PDE11A: variants seen among roughly 807,000 people sequenced by gnomAD.
The protein encoded by PDE11A is phosphodiesterase 11A, also known as dual 3',5'-cyclic-AMP and -GMP phosphodiesterase 11A.
In PDE11A, 100 loss-of-function variants were observed where a neutral mutation model predicts 100.5. The ratio of observed to expected loss-of-function variants is 1.00; its 90% confidence interval spans 0.85 to 1.18. The LOEUF (loss-of-function observed/expected upper bound fraction) is 1.18, where lower values mean the gene tolerates loss of function less well. Ranked by LOEUF, PDE11A falls within the 50% of genes most tolerant of loss-of-function variation. The probability of loss-of-function intolerance (pLI) is 0.00; values close to 1 mark genes in which losing one functional copy is unlikely to be tolerated. For missense variants in PDE11A, 1,141 were observed against 1,152.6 expected, an observed-to-expected ratio of 0.99 and a Z score of 0.15; for synonymous variants, 381 against 420.8, an observed-to-expected ratio of 0.91 and a Z score of 1.16.
At chr2:177,947,699 C>G (rs894873521) in intron 2 of PDE11A, among the ~76,000 whole-genome samples, 11 of 151,472 alleles carry the variant, frequency 7.3e-5, no homozygotes, top group African/African-American at 2.7e-4. Flanking sequence ...GCTGACCTTC[C>G]CTCCACTATT....
chr2:177,631,540 TATATATACAC>T (rs1385659293), intron 19 of PDE11A, among the ~76,000 whole-genome samples: 1,393 of 21,132 alleles, frequency 0.066, 253 homozygotes, highest in East Asian at 0.21. Flanking sequence ...TATATATATA[TATATATACAC>T]ATGTATATAT....
chr2:177,799,924 G>A (rs1369200139), intron 9 of PDE11A, among the ~76,000 whole-genome samples: 1 of 152,098 alleles, frequency 6.6e-6, no homozygotes, highest in Non-Finnish European at 1.5e-5. Flanking sequence ...GGTGGGGGAT[G>A]TTATAATATA....
In PDE11A at chr2:178,050,462, G is replaced by A. The variant is rs148772336; in HGVS notation, c.912+21064C>T. ...AGTGCCTCTTCTCCTCTAACGGAAC[G>A]CAGCTCCTCACCAGCAATGGAACAA... On this transcript the variant is annotated intron_variant, in intron 1 of 19. Transcript: ENST00000286063. Among the ~76,000 whole-genome samples the A allele has an allele frequency of 7.1e-3, 1,075 of 152,280 alleles. 9 individuals carry two copies. The highest frequency in any genetic ancestry group is 0.025 in the African/African-American group (1,019 of 41,560).
intron 9 of PDE11A, among the ~76,000 whole-genome samples, chr2:177,776,739 A>G (rs968393167): frequency 4.6e-5 from 7 of 152,198 alleles, no homozygotes; most frequent in Non-Finnish European, 8.8e-5. Flanking sequence ...AGACCAGGTG[A>G]GGACACAGAG....
At chr2:177,670,179 G>GTA (rs1369502508) in intron 17 of PDE11A, among the ~76,000 whole-genome samples, 1 of 152,156 alleles carries the variant, frequency 6.6e-6, no homozygotes, top group Non-Finnish European at 1.5e-5. Flanking sequence ...GTAGGTCACG[G>GTA]TATAGTTTGA....
At chr2:177,873,537 T>C (rs137881680) in intron 5 of PDE11A, among the ~76,000 whole-genome samples, 26 of 152,324 alleles carry the variant, frequency 1.7e-4, no homozygotes, top group African/African-American at 6.3e-4. Flanking sequence ...TTTTAAGGTA[T>C]TATTAACAGT....
At chr2:177,806,863 C>A (rs946285470) in intron 9 of PDE11A, among the ~76,000 whole-genome samples, 2 of 151,640 alleles carry the variant, frequency 1.3e-5, no homozygotes, top group Admixed American at 1.3e-4. Flanking sequence ...GAAATAAAAC[C>A]TTAAAAAGGA....
At chr2:178,054,497 T>C (rs2086872554) in intron 1 of PDE11A, among the ~76,000 whole-genome samples, 1 of 152,092 alleles carries the variant, frequency 6.6e-6, no homozygotes, top group South Asian at 2.1e-4. Context: ...AATTGACAGA[T>C]AGGATCTAAT....
In PDE11A at chr2:177,906,638, C is replaced by G. The variant is rs1384057847; in HGVS notation, c.1072-1451G>C. ...TTTGCAGATGTTTTGGGGATAAATT[C>G]CTTCCCTGGATTTTCACATGTTGCC... On this transcript the variant is annotated intron_variant, in intron 2 of 19. Transcript: ENST00000286063. Among the ~76,000 whole-genome samples the G allele has an allele frequency of 2.0e-5, 3 of 152,048 alleles. No homozygotes were observed. In the East Asian group the frequency reaches 5.8e-4, roughly 29 times the overall value.
intron 9 of PDE11A, among the ~76,000 whole-genome samples, chr2:177,774,353 T>A (rs1490986447): frequency 4.6e-5 from 7 of 152,114 alleles, no homozygotes; most frequent in Admixed American, 4.6e-4. Context: ...TGCCCCCACC[T>A]CTCCACTGGA....
intron 2 of PDE11A, among the ~76,000 whole-genome samples, chr2:177,954,145 T>G (rs544765307): frequency 1.3e-5 from 2 of 152,054 alleles, no homozygotes; most frequent in Non-Finnish European, 2.9e-5. Flanking sequence ...TGGTCTATAA[T>G]GCTTCCCTGT....
chr2:177,657,740 A>G (rs571715451), intron 19 of PDE11A, among the ~76,000 whole-genome samples: 1 of 152,292 alleles, frequency 6.6e-6, no homozygotes, highest in Non-Finnish European at 1.5e-5. Flanking sequence ...CTTGGGGGTC[A>G]AACCTTTAAG....
intron 4 of PDE11A, among the ~76,000 whole-genome samples, chr2:177,889,483 T>C (rs571233343): frequency 6.6e-6 from 1 of 150,992 alleles, no homozygotes; most frequent in East Asian, 1.9e-4. Context: ...TAATTTTGAA[T>C]GTTTTTTTTT....
At chr2:178,013,629 T>A (rs895830935) in intron 2 of PDE11A, among the ~76,000 whole-genome samples, 9 of 152,196 alleles carry the variant, frequency 5.9e-5, no homozygotes, top group African/African-American at 1.7e-4. Flanking sequence ...TTAGCGCATA[T>A]TTTATAAATA....
intron 2 of PDE11A, among the ~76,000 whole-genome samples, chr2:177,981,860 G>T (rs1011421320): frequency 2.7e-5 from 4 of 150,938 alleles, no homozygotes; most frequent in Non-Finnish European, 3.0e-5. Flanking sequence ...GGAGTACTCA[G>T]TCTTTTCAAT....
At chr2:178,081,198 G>C (rs1250893228) in intron 2 of PDE11A, among the ~76,000 whole-genome samples, 1 of 152,110 alleles carries the variant, frequency 6.6e-6, no homozygotes, top group Admixed American at 6.5e-5. Flanking sequence ...AATAAAGACA[G>C]AACCTGATGC....
At chr2:177,958,829 G>C (rs2085596752) in intron 2 of PDE11A, among the ~76,000 whole-genome samples, 1 of 151,998 alleles carries the variant, frequency 6.6e-6, no homozygotes, top group African/African-American at 2.4e-5. Flanking sequence ...ATAACTAAAG[G>C]TTTGTCTCCT....
At chr2:177,670,593 A>C (rs2105489062) in intron 17 of PDE11A, among the ~76,000 whole-genome samples, 1 of 152,320 alleles carries the variant, frequency 6.6e-6, no homozygotes, top group East Asian at 1.9e-4. Context: ...GATACCAAAC[A>C]AATTTTTCTC....
rs10556235 is a variant in PDE11A at position 177,637,997 on chromosome 2, ATTTT to A, written c.2647-8439_2647-8436del. ...TACACGTGTATATATATATATATAT[ATTTT>A]TTTTTTTTTTTTTTTTGAGATGGAG... is the stretch of plus-strand genomic sequence containing the variant. On this transcript the variant is annotated intron_variant, in intron 19 of 19. Coordinates refer to ENST00000286063, the MANE Select transcript of PDE11A (RefSeq NM_016953.4). Among the ~76,000 whole-genome samples, 253 of 106,502 alleles carry A rather than the reference ATTTT, an allele frequency of 2.4e-3. 16 individuals carry two copies. Among genetic ancestry groups the A allele is most frequent in the African/African-American group, 4.2e-3 (105 of 24,722 alleles). 69.9% of individuals were successfully genotyped at this position (106,502 alleles called of 152,430 possible).
Sources: allele counts gnomAD v4.1 joint callset (sites outside exome capture counted in the v4.1 genomes callset), GRCh38; gene constraint gnomAD v4.1.1; transcripts MANE v1.5; gene names NCBI Gene and HGNC (gene_info 2026-07-23, HGNC 2026-07-21).